Variants in RPTOR observed in about 807,000 individuals in gnomAD.
The protein encoded by RPTOR is regulatory-associated protein of mTOR.
Under a neutral mutation model 169.9 loss-of-function variants are expected in RPTOR, and 21 were observed. That is an observed-to-expected ratio of 0.12 (90% CI 0.09 to 0.18). RPTOR has a LOEUF of 0.18. Among genes scored for constraint, RPTOR ranks in the 10% least tolerant of loss-of-function variants. The pLI, the probability that RPTOR is intolerant of heterozygous loss-of-function variation, is 1.00. For synonymous variants in RPTOR, 732 were observed against 753.2 expected (o/e 0.97, Z 0.46); for missense variants, 1,133 against 1,855.9 (o/e 0.61, Z 7.16).
At chr17:80,745,182 T>C (rs867487285) in intron 5 of RPTOR, among the ~76,000 whole-genome samples, 4 of 152,376 alleles carry the variant, frequency 2.6e-5, no homozygotes, top group African/African-American at 9.6e-5. Context: ...GAAATTAGTG[T>C]AATTTCTAAT....
chr17:80,546,455 T>C (rs932761089), intron 1 of RPTOR, among the ~76,000 whole-genome samples: 8 of 152,022 alleles, frequency 5.3e-5, no homozygotes, highest in African/African-American at 1.9e-4. Flanking sequence ...GTGTTTGGAG[T>C]GTGGAGAGTG....
chr17:80,624,095 A>G (rs1225978723), intron 1 of RPTOR, among the ~76,000 whole-genome samples: 1 of 152,062 alleles, frequency 6.6e-6, no homozygotes, highest in African/African-American at 2.4e-5. Flanking sequence ...ATGTACTCTC[A>G]ATTAAATTAA....
chr17:80,954,205 T>C (rs1367390567), intron 28 of RPTOR, among the ~76,000 whole-genome samples: 2 of 152,152 alleles, frequency 1.3e-5, no homozygotes, highest in Admixed American at 1.3e-4. Context: ...CACTGCAACC[T>C]CCACCTCTCA....
chr17:80,737,794 CTCTT>C (rs551575576), intron 5 of RPTOR, among the ~76,000 whole-genome samples: 5 of 147,648 alleles, frequency 3.4e-5, no homozygotes, highest in Non-Finnish European at 6.0e-5. Context: ...TTCTTTCTCT[CTCTT>C]TTTCTCCCCC....
At chr17:80,908,085 C>T (rs769648562) in intron 20 of RPTOR, among the ~76,000 whole-genome samples, 7 of 152,150 alleles carry the variant, frequency 4.6e-5, no homozygotes, top group African/African-American at 1.4e-4. Flanking sequence ...TAAATAGGAC[C>T]GAGCAGCCGC....
chr17:80,958,413 T>TC (rs2069285888), intron 29 of RPTOR, among the ~76,000 whole-genome samples: 1 of 136,076 alleles, frequency 7.3e-6, no homozygotes, highest in African/African-American at 2.9e-5. Context: ...TTCTTTTTTT[T>TC]TTTTTTTTTT....
intron 24 of RPTOR, among the ~76,000 whole-genome samples, chr17:80,937,043 T>G (rs2068963524): frequency 6.6e-6 from 1 of 152,092 alleles, no homozygotes; most frequent in Non-Finnish European, 1.5e-5. Flanking sequence ...TATTGTTCAG[T>G]GGGGAGGGGA....
chr17:80,841,207 AC>A (rs1567942992), intron 10 of RPTOR, among the ~76,000 whole-genome samples: 6 of 103,390 alleles, frequency 5.8e-5, no homozygotes, highest in East Asian at 3.4e-4. Context: ...ACGGCAGCTC[AC>A]TCTCACCGCA....
At chr17:80,595,023 G>A (rs1386025982) in intron 1 of RPTOR, among the ~76,000 whole-genome samples, 1 of 148,722 alleles carries the variant, frequency 6.7e-6, no homozygotes, top group Non-Finnish European at 1.5e-5. Context: ...TGGGGGCTAA[G>A]GGGAACAAGA....
chr17:80,810,894 A>G (rs557109601), intron 7 of RPTOR, among the ~76,000 whole-genome samples: 54 of 152,338 alleles, frequency 3.5e-4, no homozygotes, highest in African/African-American at 1.3e-3. Flanking sequence ...AAGACAGCAT[A>G]TAGAAATGTA....
At chr17:80,554,786 A>AC (rs58307382) in intron 1 of RPTOR, among the ~76,000 whole-genome samples, 68 of 150,288 alleles carry the variant, frequency 4.5e-4, no homozygotes, top group East Asian at 3.3e-3. Context: ...AACAACAACA[A>AC]AAAAAATGAG....
chr17:80,666,446 G>A (rs754666545), intron 3 of RPTOR, among the ~76,000 whole-genome samples: 7 of 152,254 alleles, frequency 4.6e-5, no homozygotes, highest in South Asian at 2.1e-4. Context: ...AGGTGAGGCC[G>A]AAACAAGTGA....
intron 24 of RPTOR, among the ~76,000 whole-genome samples, chr17:80,933,036 T>C (rs1271403061): frequency 6.6e-6 from 1 of 152,212 alleles, no homozygotes; most frequent in African/African-American, 2.4e-5. Flanking sequence ...CCTAGAATTC[T>C]GTACACACAA....
At chr17:80,842,456 C>G (rs912993687) in intron 10 of RPTOR, among the ~76,000 whole-genome samples, 3 of 152,138 alleles carry the variant, frequency 2.0e-5, no homozygotes, top group Non-Finnish European at 2.9e-5. Context: ...AGTGATCCTT[C>G]GGGGTCCCAG....
At position 80,708,554 on chromosome 17, in the gene RPTOR, C is replaced by A. The variant is rs1266295837; in HGVS notation, c.507+555C>A. Among the ~76,000 whole-genome samples the A allele has an allele frequency of 6.6e-6, 1 of 151,778 alleles. No individual in the cohort carries two copies. The highest frequency in any genetic ancestry group is 1.5e-5 in the Non-Finnish European group (1 of 67,986). On this transcript the variant is annotated intron_variant, in intron 4 of 33. Coordinates refer to ENST00000306801, the MANE Select transcript of RPTOR (RefSeq NM_020761.3). The surrounding 1 kb of genome is among the most constrained non-coding windows in gnomAD (Gnocchi z 4.2). ...GTGGGTGGTGGGTGCTGACTGTCAT[C>A]CCCATCCTCCAGGGTGTGGTGGGTG...
chr17:80,745,448 A>G (rs945043441), intron 5 of RPTOR, among the ~76,000 whole-genome samples: 1 of 152,234 alleles, frequency 6.6e-6, no homozygotes, highest in African/African-American at 2.4e-5. Flanking sequence ...TGCCAGCAAT[A>G]GGCGCAACTT....
intron 1 of RPTOR, among the ~76,000 whole-genome samples, chr17:80,619,897 C>A (rs2065342176): frequency 6.6e-6 from 1 of 152,188 alleles, no homozygotes; most frequent in Non-Finnish European, 1.5e-5. Flanking sequence ...CATCAGGACC[C>A]CACTGCTTGA....
chr17:80,816,526 C>A (rs1181228768), intron 7 of RPTOR, among the ~76,000 whole-genome samples: 1 of 152,202 alleles, frequency 6.6e-6, no homozygotes, highest in African/African-American at 2.4e-5. Context: ...TGTCGTGAGA[C>A]CTGGAAGGAG....
intron 2 of RPTOR, among the ~76,000 whole-genome samples, chr17:80,631,200 C>T (rs2065439194): frequency 6.6e-6 from 1 of 152,130 alleles, no homozygotes; most frequent in South Asian, 2.1e-4. Flanking sequence ...CTCCCACTCC[C>T]CAGGTACAGG....
Sources: gnomAD v4.1 joint callset for allele counts (sites outside exome capture counted in the v4.1 genomes callset) on GRCh38, gnomAD v4.1.1 for gene constraint, Gnocchi (gnomAD v3.1) non-coding constraint, MANE v1.5 for transcripts, NCBI Gene and HGNC (gene_info 2026-07-23, HGNC 2026-07-21) for gene names.